The following MTHFS variants were observed in gnomAD, a reference collection of about 807,000 sequenced individuals.
MTHFS encodes 5-formyltetrahydrofolate cyclo-ligase.
In MTHFS, 7 loss-of-function variants were observed where a neutral mutation model predicts 12.7. The ratio of observed to expected loss-of-function variants is 0.55; its 90% CI spans 0.31 to 1.03. The LOEUF (loss-of-function observed/expected upper bound fraction) is 1.03, where lower values mean the gene tolerates loss of function less well. Ranked by LOEUF, MTHFS falls within the 50% of genes least tolerant of loss-of-function variation. MTHFS has a pLI of 0.05. For missense variants in MTHFS, 252 were observed against 258.1 expected, an observed-to-expected ratio of 0.98 and a Z score of 0.16; for synonymous variants, 100 against 97.1, an observed-to-expected ratio of 1.03 and a Z score of -0.18.
In MTHFS at chr15:79,875,297, A is replaced by T. The variant is rs527724016; in HGVS notation, c.379+13796T>A. Among the ~76,000 whole-genome samples the T allele has an allele frequency of 2.6e-5, 4 of 152,032 alleles. No homozygotes were observed. The South Asian group carries it at 8.3e-4, about 32-fold the overall frequency. ...GACAAAAAAAAAAAAAAATCACTAG[A>T]GATCCTCAGATCCTCATAAGATTAA... On this transcript the variant is annotated intron_variant, in intron 2 of 2. Transcript: ENST00000258874.
At chr15:79,885,101 C>T (rs1459408309) in intron 2 of MTHFS, among the ~76,000 whole-genome samples, 2 of 152,244 alleles carry the variant, frequency 1.3e-5, no homozygotes, top group African/African-American at 2.4e-5. Context: ...CGCCATGCAA[C>T]CCTAACAAAG....
At chr15:79,868,175 C>T (rs1012375311) in intron 2 of MTHFS, among the ~76,000 whole-genome samples, 1 of 152,136 alleles carries the variant, frequency 6.6e-6, no homozygotes, top group African/African-American at 2.4e-5. Flanking sequence ...GTAGGAATTT[C>T]CAATGAATAA....
At chr15:79,877,677 G>A (rs112461203) in intron 2 of MTHFS, 3 of 151,932 alleles carry the variant, frequency 2.0e-5, no homozygotes, top group African/African-American at 7.2e-5. Flanking sequence ...CTTCAGCCTG[G>A]TGACAGAGCG....
chr15:79,877,553 T>C (rs1022981761), intron 2 of MTHFS: 5 of 151,806 alleles, frequency 3.3e-5, no homozygotes, highest in Non-Finnish European at 7.4e-5. Flanking sequence ...ACAAAAAAAT[T>C]AGCCAAGCGT....
chr15:79,864,465 AACC>A (rs2033971189), intron 2 of MTHFS, among the ~76,000 whole-genome samples: 1 of 145,616 alleles, frequency 6.9e-6, no homozygotes, highest in Non-Finnish European at 1.5e-5. Flanking sequence ...GAATCGCTTG[AACC>A]CGGGAGGTGG....
Position 79,896,688 on chromosome 15 carries a change from C to T in MTHFS, c.117+184G>A, listed in dbSNP as rs570053509. The T allele has an allele frequency of 4.3e-5, 49 of 1,136,992 alleles. No individual in the cohort carries two copies. The African/African-American group carries it at 7.3e-4, about 17-fold the overall frequency. 70.4% of individuals were successfully genotyped at this position (1,136,992 alleles called of 1,614,324 possible). On this transcript the variant is annotated intron_variant, in intron 1 of 2. Transcript: ENST00000258874. Reference sequence around the variant, plus strand: ...ACCGGGCCCTCTCCCCGCCATAGTGCCAAGAGCGTCCAGACCACGACTAGG... The same window carrying T: ...ACCGGGCCCTCTCCCCGCCATAGTGTCAAGAGCGTCCAGACCACGACTAGG...
chr15:79,857,689 A>G (rs769568482), intron 2 of MTHFS, among the ~76,000 whole-genome samples: 1 of 152,144 alleles, frequency 6.6e-6, no homozygotes, highest in Non-Finnish European at 1.5e-5. Context: ...ATCTGCTTCA[A>G]TAAGTCCTCT....
rs181257291 is a variant in MTHFS at position 79,892,767 on chromosome 15, G to A, written c.118-3413C>T. Among the ~76,000 whole-genome samples, 24 of 151,640 alleles carry A rather than the reference G, an allele frequency of 1.6e-4. No individual in the cohort carries two copies. In the East Asian group the frequency reaches 3.5e-3, roughly 22 times the overall value. The stretch of plus-strand genomic sequence containing the variant: ...AGAGGTCGAGACCATCCTGGCCAAC[G>A]TGGTGAAACCCCATCTCTACTAAAA... On this transcript the variant is annotated intron_variant, in intron 1 of 2. Transcript: ENST00000258874.
intron 2 of MTHFS, among the ~76,000 whole-genome samples, chr15:79,884,607 A>C (rs752925443): frequency 6.6e-6 from 1 of 152,250 alleles, no homozygotes; most frequent in African/African-American, 2.4e-5. Flanking sequence ...GGTGATAAAA[A>C]CATTACAAAG....
chr15:79,882,094 T>C (rs73474575), intron 2 of MTHFS, among the ~76,000 whole-genome samples: 4,822 of 152,338 alleles, frequency 0.032, 272 homozygotes, highest in African/African-American at 0.11. Context: ...TCATAACTTA[T>C]TTCAAAAGTT....
At chr15:79,887,102 C>T (rs891282322) in intron 2 of MTHFS, among the ~76,000 whole-genome samples, 2 of 152,036 alleles carry the variant, frequency 1.3e-5, no homozygotes, top group African/African-American at 4.8e-5. Context: ...GCCACGGTGG[C>T]GCACGCCTGT....
At chr15:79,893,825 C>T (rs573109987) in intron 1 of MTHFS, among the ~76,000 whole-genome samples, 1 of 152,188 alleles carries the variant, frequency 6.6e-6, no homozygotes, top group Admixed American at 6.5e-5. Flanking sequence ...CACTAATTTC[C>T]TCATCTTAGG....
chr15:79,858,886 A>G (rs1696398472), intron 2 of MTHFS, among the ~76,000 whole-genome samples: 1 of 152,226 alleles, frequency 6.6e-6, no homozygotes, highest in South Asian at 2.1e-4. Context: ...CCATTTGGAA[A>G]TTTGGGCCTA....
At chr15:79,860,133 T>C (rs1476897306) in intron 2 of MTHFS, among the ~76,000 whole-genome samples, 1 of 152,154 alleles carries the variant, frequency 6.6e-6, no homozygotes, top group African/African-American at 2.4e-5. Flanking sequence ...CTCACGCCTG[T>C]AATCCTAGCA....
At chr15:79,850,590 C>T (rs1490446469) in intron 2 of MTHFS, among the ~76,000 whole-genome samples, 3 of 152,042 alleles carry the variant, frequency 2.0e-5, no homozygotes, top group Non-Finnish European at 4.4e-5. Flanking sequence ...TGTGATAACC[C>T]CCATCATAGA....
Position 79,844,078 on chromosome 15 carries a change from A to C in MTHFS, c.*1132T>G, listed in dbSNP as rs1013891977. 2 of 151,968 alleles carry C rather than the reference A, an allele frequency of 1.3e-5. No individual in the cohort carries two copies. Among genetic ancestry groups the C allele is most frequent in the Non-Finnish European group, 2.9e-5 (2 of 68,002 alleles). The allele number at this position is 151,968 out of a possible 1,614,324, so 9.4% of individuals were successfully genotyped here. On this transcript the variant is annotated 3_prime_UTR_variant, in exon 3 of 3. Transcript: ENST00000258874. ...GAGGCTAGAAAAAGTAGATGAGGAG[A>C]CCTCTCTTAAGGGGCTTTGTATACA...
intron 1 of MTHFS, among the ~76,000 whole-genome samples, chr15:79,891,975 A>G (rs1318364893): frequency 2.6e-5 from 4 of 151,354 alleles, no homozygotes; most frequent in Non-Finnish European, 5.9e-5. Context: ...AAAAAAAAAA[A>G]AAAAAAAAAA....
intron 1 of MTHFS, among the ~76,000 whole-genome samples, chr15:79,893,211 G>A (rs1222689959): frequency 1.4e-5 from 2 of 145,240 alleles, no homozygotes; most frequent in Non-Finnish European, 3.0e-5. Context: ...AACATCAGCC[G>A]GGCCAAGATG....
In MTHFS at chr15:79,892,670, C is replaced by T. The variant is rs74630101; in HGVS notation, c.118-3316G>A. On this transcript the variant is annotated intron_variant, in intron 1 of 2. Transcript: ENST00000258874. ...GAATACCATCTACAGAACAAAAATA[C>T]GGCTGGGCGTGGTGGCTCACACCTG... Among the ~76,000 whole-genome samples the T allele has an allele frequency of 0.019, 2,937 of 152,170 alleles. 182 individuals carry two copies. In the East Asian group the frequency reaches 0.22, roughly 11 times the overall value.
Sources: allele counts gnomAD v4.1 joint callset (sites outside exome capture counted in the v4.1 genomes callset), GRCh38; gene constraint gnomAD v4.1.1; transcripts MANE v1.5; gene names NCBI Gene and HGNC (gene_info 2026-07-23, HGNC 2026-07-21).